Variants in CHD1L observed in about 807,000 individuals in gnomAD.
CHD1L encodes ATP-dependent chromatin remodeler CHD1L.
Under a neutral mutation model 115.9 loss-of-function variants are expected in CHD1L, and 118 were observed. The observed-to-expected ratio is 1.02, with a 90% CI of 0.88 to 1.19. The LOEUF is 1.19. CHD1L is among the 50% of genes most tolerant of loss of function. CHD1L has a pLI of 0.00. For synonymous variants in CHD1L, 411 were observed against 387.1 expected (o/e 1.06, Z -0.72); for missense variants, 1,179 against 1,065.3 (o/e 1.11, Z -1.49).
At chr1:147,223,735 C>T in the CHD1L span, 2,733 of 207,444 alleles carry the variant, frequency 0.013, 108 homozygotes, top group East Asian at 0.16. Context: ...CCCCCTATAT[C>T]AGGTTGCAGC....
rs1673838386 is a variant in CHD1L at position 147,266,156 on chromosome 1, T to C, written c.895+69T>C. The C allele has an allele frequency of 5.8e-6, 8 of 1,387,940 alleles. No individual in the cohort carries two copies. The East Asian group carries it at 1.9e-4, about 33-fold the overall frequency. The allele number at this position is 1,387,940 out of a possible 1,614,324, so 86.0% of individuals were successfully genotyped here. A position where few individuals can be genotyped will look rare whatever the true frequency, so the allele number is the denominator to read the frequency against. On this transcript the variant is annotated intron_variant, in intron 8 of 22. Coordinates refer to ENST00000369258, the MANE Select transcript of CHD1L (RefSeq NM_004284.6). The stretch of plus-strand genomic sequence containing the variant: ...TGATTTCAGGTAGTAAAATATTTTA[T>C]AATCACACTCATTTGTATGATCCCA...
chr1:147,268,785 T>C lies in CHD1L; in HGVS notation c.992T>C (p.Val331Ala). The C allele has an allele frequency of 6.2e-7, 1 of 1,613,102 alleles. No homozygotes were observed. Among genetic ancestry groups the C allele is most frequent in the Non-Finnish European group, 8.5e-7 (1 of 1,179,350 alleles). ...GAGTGGGTTCTTTCTTTTCTAGGTGTGGAGCCGGAGCCTTTTGAAGTTGGA... is the reference window on the plus strand; with the variant it reads ...GAGTGGGTTCTTTCTTTTCTAGGTGCGGAGCCGGAGCCTTTTGAAGTTGGA... Reference protein sequence around the residue: ...CVDHPYLFDGVEPEPFEVGDH... With the variant: ...CVDHPYLFDGAEPEPFEVGDH... Residue 331 changes from valine to alanine, a missense_variant, in exon 10 of 23, where the codon GTG becomes GCG. Val to Ala is a moderately conservative substitution (Grantham distance 64, BLOSUM62 0). Coordinates refer to ENST00000369258, the MANE Select transcript of CHD1L (RefSeq NM_004284.6).
chr1:147,268,135 C>G (rs782146783), intron 9 of CHD1L, among the ~76,000 whole-genome samples: 6 of 152,222 alleles, frequency 3.9e-5, no homozygotes, highest in Non-Finnish European at 7.3e-5. Context: ...TTCTCAGTCT[C>G]CTTTGTTGCT....
the CHD1L span, chr1:147,201,294 T>G: frequency 1.2e-6 from 2 of 1,614,186 alleles, no homozygotes; most frequent in African/African-American, 2.7e-5. Context: ...ATATCTTGTT[T>G]TTGACCACTT....
chr1:147,204,035 A>G, the CHD1L span: 4 of 1,184,824 alleles, frequency 3.4e-6, no homozygotes, highest in Non-Finnish European at 5.1e-6. Context: ...ATGAAGAGCC[A>G]TGTCTGCCAC....
chr1:147,251,339 CAG>C (rs1298884982), intron 1 of CHD1L, among the ~76,000 whole-genome samples: 1 of 152,262 alleles, frequency 6.6e-6, no homozygotes, highest in African/African-American at 2.4e-5. Flanking sequence ...CTACACCTTT[CAG>C]AGTTTTATGC....
In CHD1L at chr1:147,295,491, A is replaced by C; in HGVS notation, c.2676A>C (p.Ser892=). ...VLHSQSSSSS[S]RQLVP ...ATTCACAGTCTTCATCTTCCTCCTC[A>C]AGACAGCTGGTGCCTTAAGAATTGG... The change falls in exon 23 of 23, where the codon TCA becomes TCC. Residue 892 remains serine (S), a synonymous_variant. Coordinates refer to ENST00000369258, the MANE Select transcript of CHD1L (RefSeq NM_004284.6). The C allele has an allele frequency of 6.2e-7, 1 of 1,610,352 alleles. No individual in the cohort carries two copies. Among genetic ancestry groups the C allele is most frequent in the South Asian group, 1.1e-5 (1 of 90,756 alleles).
the CHD1L span, chr1:147,175,818 C>T: frequency 5.9e-5 from 9 of 151,760 alleles, no homozygotes; most frequent in South Asian, 4.2e-4. Flanking sequence ...AAGAATAACT[C>T]GATACATACA....
the CHD1L span, chr1:147,190,146 A>G: frequency 9.4e-6 from 13 of 1,380,806 alleles, no homozygotes; most frequent in Non-Finnish European, 1.1e-5. Flanking sequence ...GTAGAAATGT[A>G]ACCATATATC....
upstream of CHD1L, among the ~76,000 whole-genome samples, chr1:147,237,896 T>C (rs2102172895): frequency 6.6e-6 from 1 of 152,314 alleles, no homozygotes; most frequent in South Asian, 2.1e-4. Context: ...TTTTGATGCC[T>C]ACAATTTCTA....
At chr1:147,226,634 G>T in the CHD1L span, among the ~76,000 whole-genome samples, 3 of 152,098 alleles carry the variant, frequency 2.0e-5, no homozygotes, top group Non-Finnish European at 4.4e-5. Flanking sequence ...GTTGTAAGAG[G>T]CATGGATTGT....
At chr1:147,231,718 G>A in the CHD1L span, among the ~76,000 whole-genome samples, 3 of 152,044 alleles carry the variant, frequency 2.0e-5, no homozygotes, top group Non-Finnish European at 4.4e-5. Flanking sequence ...GTGGGTGTAG[G>A]ACCCTCGGAG....
the CHD1L span, among the ~76,000 whole-genome samples, chr1:147,180,798 T>C: frequency 6.6e-6 from 1 of 152,168 alleles, no homozygotes; most frequent in African/African-American, 2.4e-5. Context: ...CCACCTCTCC[T>C]TTTGACTAAA....
chr1:147,237,922 G>T (rs1664635987), upstream of CHD1L, among the ~76,000 whole-genome samples: 1 of 152,166 alleles, frequency 6.6e-6, no homozygotes, highest in Non-Finnish European at 1.5e-5. Flanking sequence ...TGTTCTCAAA[G>T]ATTAACTTGA....
At chr1:147,289,502 G>C (rs1553968620) in intron 19 of CHD1L, among the ~76,000 whole-genome samples, 2 of 152,186 alleles carry the variant, frequency 1.3e-5, no homozygotes, top group African/African-American at 4.8e-5. Context: ...TTTGAGGAGA[G>C]TGGGAAGCTC....
chr1:147,225,069 A>C, the CHD1L span: 1 of 1,613,284 alleles, frequency 6.2e-7, no homozygotes, highest in Non-Finnish European at 8.5e-7. Context: ...CGCCTGTCCT[A>C]AAGAAAGGAT....
chr1:147,221,798 C>G, the CHD1L span, among the ~76,000 whole-genome samples: 1 of 152,198 alleles, frequency 6.6e-6, no homozygotes, highest in East Asian at 1.9e-4. Flanking sequence ...AAATCACTAA[C>G]CACAACAAGT....
At chr1:147,215,292 A>G in the CHD1L span, 1 of 152,662 alleles carries the variant, frequency 6.6e-6, no homozygotes, top group African/African-American at 2.4e-5. Context: ...CCTCTACACC[A>G]GAGTTAACTA....
At position 147,252,667 on chromosome 1, in the gene CHD1L, G is replaced by A. The variant is rs782803495; in HGVS notation, c.172G>A (p.Ala58Thr). 1.4e-5 allele frequency: 23 copies of A among 1,613,284 alleles called. No homozygotes were observed. Among genetic ancestry groups the A allele is most frequent in the African/African-American group, 2.7e-5 (2 of 74,900 alleles). The change falls in exon 2 of 23, where the codon GCC becomes ACC. Residue 58 changes from alanine to threonine, a missense_variant. Coordinates refer to ENST00000369258, the MANE Select transcript of CHD1L (RefSeq NM_004284.6). ...SYQLEGVNWLAQRFHCQNGCI... is the reference protein window; with the variant it reads ...SYQLEGVNWLTQRFHCQNGCI... ...CCAGCTGGAGGGAGTAAACTGGCTCGCCCAGCGCTTCCATTGTCAGAATGG... is the reference window on the plus strand; with the variant it reads ...CCAGCTGGAGGGAGTAAACTGGCTCACCCAGCGCTTCCATTGTCAGAATGG...
Sources: allele counts gnomAD v4.1 joint callset (sites outside exome capture counted in the v4.1 genomes callset), GRCh38; gene constraint gnomAD v4.1.1; transcripts MANE v1.5; gene names NCBI Gene and HGNC (gene_info 2026-07-23, HGNC 2026-07-21).